Variants in COL27A1 observed in about 807,000 individuals in gnomAD.
COL27A1 encodes the protein collagen type XXVII alpha 1 chain.
COL27A1 carries 106 observed loss-of-function variants against 251.3 expected under a neutral mutation model. The observed-to-expected ratio is 0.42, with a 90% confidence interval of 0.36 to 0.50. COL27A1 has a LOEUF of 0.50. COL27A1 is among the 20% of genes least tolerant of loss of function. COL27A1 has a pLI of 0.00. For missense variants in COL27A1, 2,325 were observed against 2,522.8 expected, an observed-to-expected ratio of 0.92 and a Z score of 1.68; for synonymous variants, 1,000 against 986.3, an observed-to-expected ratio of 1.01 and a Z score of -0.26.
At chr9:114,287,607 C>G (rs939929475) in intron 41 of COL27A1, among the ~76,000 whole-genome samples, 1 of 152,176 alleles carries the variant, frequency 6.6e-6, no homozygotes, top group Non-Finnish European at 1.5e-5. Context: ...GCCCCTGCCA[C>G]GTGTGCAGCA....
chr9:114,183,411 C>G (rs917536272), intron 5 of COL27A1, among the ~76,000 whole-genome samples: 5 of 152,102 alleles, frequency 3.3e-5, no homozygotes, highest in African/African-American at 1.2e-4. Context: ...TAAGATGCAT[C>G]CTGGGGAGGG....
chr9:114,289,850 A>T lies in COL27A1; in HGVS notation c.4207-208A>T, dbSNP rs182987610. Among the ~76,000 whole-genome samples, 5 of 152,238 alleles carry T rather than the reference A, an allele frequency of 3.3e-5. No individual in the cohort carries two copies. The East Asian group carries it at 9.7e-4, about 30-fold the overall frequency. On this transcript the variant is annotated intron_variant, in intron 45 of 60. Transcript: ENST00000356083. Reference sequence around the variant, plus strand: ...AAATTGTCAATGCCAGTGAGGGGACACCAAGGCCCAGAGCAGGCTCAGTGA... The same window carrying T: ...AAATTGTCAATGCCAGTGAGGGGACTCCAAGGCCCAGAGCAGGCTCAGTGA...
Position 114,205,750 on chromosome 9 carries a change from C to T in COL27A1, c.2170-9C>T. ...TCTTTTCCTTATGTTTCTCTCTGTT[C>T]CTTTGCAGGGGCAGCCAGGACCTGA... On this transcript the variant is annotated splice_polypyrimidine_tract_variant and intron_variant, in intron 8 of 60. Transcript: ENST00000356083. 6.2e-7 allele frequency: 1 copy of T among 1,613,794 alleles called. No homozygotes were observed. Among genetic ancestry groups the T allele is most frequent in the Non-Finnish European group, 8.5e-7 (1 of 1,179,690 alleles).
chr9:114,305,147 G>A (rs16928011), intron 57 of COL27A1, among the ~76,000 whole-genome samples: 10,820 of 152,244 alleles, frequency 0.071, 634 homozygotes, highest in East Asian at 0.3. Flanking sequence ...GTCCAGCCTC[G>A]GTCAGGAGCC....
At position 114,169,503 on chromosome 9, in the gene COL27A1, G is replaced by C. The variant is rs758397490; in HGVS notation, c.1908+40G>C. The C allele has an allele frequency of 3.4e-6, 5 of 1,450,336 alleles. No homozygotes were observed. In the East Asian group the frequency reaches 1.1e-4, roughly 33 times the overall value. The allele number at this position is 1,450,336 out of a possible 1,614,324, so 89.8% of individuals were successfully genotyped here. A position where few individuals can be genotyped will look rare whatever the true frequency, so the allele number is the denominator to read the frequency against. Reference sequence around the variant, plus strand: ...GGTCTGCATGCTGCTTGGAGCTCCAGTGGGGGACTGGGGCATTGGTCAAGT... The same window carrying C: ...GGTCTGCATGCTGCTTGGAGCTCCACTGGGGGACTGGGGCATTGGTCAAGT... On this transcript the variant is annotated intron_variant, in intron 3 of 60. Coordinates refer to ENST00000356083, the MANE Select transcript of COL27A1 (RefSeq NM_032888.4).
Position 114,205,777 on chromosome 9 carries a change from G to A in COL27A1, c.2188G>A (p.Gly730Ser), listed in dbSNP as rs781519895. 1.4e-5 allele frequency: 23 copies of A among 1,614,082 alleles called. No individual in the cohort carries two copies. The South Asian group carries it at 2.5e-4, about 18-fold the overall frequency. Reference protein sequence around the residue: ...PGEQGQPGPEGSPGAKGYPGR... With the variant: ...PGEQGQPGPESSPGAKGYPGR... ...TTTGCAGGGGCAGCCAGGACCTGAG[G>A]GCAGCCCAGGGGCCAAAGGTTACCC... The change falls in exon 9 of 61, where the codon GGC (glycine) becomes AGC (serine). Residue 730 changes from glycine (G) to serine (S), a missense_variant. By Grantham distance (56) the Gly-to-Ser change is moderately conservative (BLOSUM62 0). This residue lies in a region of COL27A1 where 1,183 missense variants were observed against 1,144.1 expected (regional missense o/e 1.03). Transcript: ENST00000356083.
intron 3 of COL27A1, among the ~76,000 whole-genome samples, chr9:114,170,630 C>T (rs942273615): frequency 2.6e-5 from 4 of 152,284 alleles, no homozygotes; most frequent in Admixed American, 6.5e-5. Context: ...TCCAAGAGGA[C>T]GGAGAGTCTG....
chr9:114,224,782 A>T (rs918327683), intron 14 of COL27A1, among the ~76,000 whole-genome samples: 1 of 150,230 alleles, frequency 6.7e-6, no homozygotes, highest in African/African-American at 2.5e-5. Flanking sequence ...CCTCCCAAGT[A>T]GCTGGGACAA....
At chr9:114,165,496 A>G (rs1287251822) in intron 2 of COL27A1, among the ~76,000 whole-genome samples, 1 of 148,258 alleles carries the variant, frequency 6.7e-6, no homozygotes, top group Non-Finnish European at 1.5e-5. Flanking sequence ...CTACCTATCC[A>G]TCCATCCATT....
intron 14 of COL27A1, among the ~76,000 whole-genome samples, chr9:114,229,041 C>G (rs1487176823): frequency 6.6e-6 from 1 of 152,160 alleles, no homozygotes; most frequent in Non-Finnish European, 1.5e-5. Flanking sequence ...CCAGGCTGGT[C>G]TTGAACTCCT....
Position 114,258,526 on chromosome 9 carries a change from T to C in COL27A1, c.3142-15T>C. On this transcript the variant is annotated splice_polypyrimidine_tract_variant and intron_variant, in intron 27 of 60. Transcript: ENST00000356083. ...CTAAAAAGGGGCCTCTCCAAACTCT[T>C]TCTCCTCTTCCCAGGGTCCTCCAGG... is the stretch of plus-strand genomic sequence containing the variant. The C allele has an allele frequency of 6.2e-7, 1 of 1,612,462 alleles. No individual in the cohort carries two copies. Among genetic ancestry groups the C allele is most frequent in the Non-Finnish European group, 8.5e-7 (1 of 1,179,424 alleles).
At chr9:114,156,897 TCCTCTCTTTC>T (rs1848156043) in intron 1 of COL27A1, among the ~76,000 whole-genome samples, 1 of 151,930 alleles carries the variant, frequency 6.6e-6, no homozygotes. Flanking sequence ...TGGACGGCGC[TCCTCTCTTTC>T]CATCCTGCCC....
At chr9:114,189,315 C>T (rs898902228) in intron 5 of COL27A1, among the ~76,000 whole-genome samples, 2 of 152,180 alleles carry the variant, frequency 1.3e-5, no homozygotes, top group African/African-American at 4.8e-5. Context: ...CATCTTTCCT[C>T]CACTGTTTAC....
At chr9:114,194,333 C>T in intron 5 of COL27A1, 71 bp from the exon 6 acceptor site, 1 of 1,454,262 alleles carries the variant, frequency 6.9e-7, no homozygotes, top group Non-Finnish European at 9.7e-7. Flanking sequence ...GGGCTTTGAG[C>T]AGAGTTTGTG....
At chr9:114,282,805 G>T (rs921207651) in intron 39 of COL27A1, among the ~76,000 whole-genome samples, 1 of 152,336 alleles carries the variant, frequency 6.6e-6, no homozygotes, top group Middle Eastern at 3.4e-3. Context: ...CAATTTGAAG[G>T]GGTGTGTGGG....
rs922233584 is a variant in COL27A1 at position 114,252,684 on chromosome 9, T to C, written c.3087+38T>C. On this transcript the variant is annotated intron_variant, in intron 26 of 60. Coordinates refer to ENST00000356083, the MANE Select transcript of COL27A1 (RefSeq NM_032888.4). Reference sequence around the variant, plus strand: ...TCTGCATCCTCTTGCCCTCTCCTGTTGCAGCCTTGAGTGACAGCTCTGCTC... The same window carrying C: ...TCTGCATCCTCTTGCCCTCTCCTGTCGCAGCCTTGAGTGACAGCTCTGCTC... The C allele has an allele frequency of 3.1e-6, 5 of 1,593,910 alleles. No homozygotes were observed. The African/African-American group carries it at 5.4e-5, about 17-fold the overall frequency.
intron 27 of COL27A1, among the ~76,000 whole-genome samples, chr9:114,253,857 T>C (rs1833745728): frequency 6.6e-6 from 1 of 152,210 alleles, no homozygotes; most frequent in Non-Finnish European, 1.5e-5. Context: ...ACTCTGTAGT[T>C]ACTGAGCGAT....
At chr9:114,302,022 C>T in intron 55 of COL27A1, 60 bp from the exon 56 acceptor site, 1 of 1,510,402 alleles carries the variant, frequency 6.6e-7, no homozygotes, top group Non-Finnish European at 9.2e-7. Flanking sequence ...CTCCTGACAC[C>T]CTCTCAGATT....
intron 36 of COL27A1, chr9:114,273,903 A>T (rs1835318465): frequency 6.6e-6 from 1 of 152,234 alleles, no homozygotes. Context: ...TACCGTGATG[A>T]GATAAGGCAA....
Sources: gnomAD v4.1 joint callset for allele counts (sites outside exome capture counted in the v4.1 genomes callset) on GRCh38, gnomAD v4.1.1 for gene constraint, gnomAD v4.1.1 regional missense constraint, MANE v1.5 for transcripts, NCBI Gene and HGNC (gene_info 2026-07-23, HGNC 2026-07-21) for gene names.